The following SIPA1L3 variants were observed in gnomAD, a reference collection of about 807,000 sequenced individuals.
SIPA1L3 encodes signal induced proliferation associated 1 like 3, also known as signal-induced proliferation-associated 1-like protein 3.
Under a neutral mutation model 150.1 loss-of-function variants are expected in SIPA1L3, and 59 were observed. The ratio of observed to expected loss-of-function variants is 0.39; its 90% CI spans 0.32 to 0.49. The LOEUF is 0.49. SIPA1L3 is among the 20% of genes least tolerant of loss of function. SIPA1L3 has a pLI of 0.86. For synonymous variants in SIPA1L3, 1,070 were observed against 1,077.6 expected (o/e 0.99, Z 0.14); for missense variants, 2,211 against 2,489.5 (o/e 0.89, Z 2.38).
chr19:37,961,003 G>A (rs1337492958), intron 1 of SIPA1L3, among the ~76,000 whole-genome samples: 1 of 151,812 alleles, frequency 6.6e-6, no homozygotes, highest in Non-Finnish European at 1.5e-5. Flanking sequence ...TGAGTAGCTG[G>A]GCTTACAGGC....
At chr19:38,003,214 G>A (rs897021972) in intron 1 of SIPA1L3, among the ~76,000 whole-genome samples, 4 of 152,156 alleles carry the variant, frequency 2.6e-5, no homozygotes, top group Non-Finnish European at 5.9e-5. Context: ...CCTACTCTGG[G>A]CCAGGCACCA....
At chr19:38,005,923 C>T (rs1012244505) in intron 1 of SIPA1L3, among the ~76,000 whole-genome samples, 1 of 152,154 alleles carries the variant, frequency 6.6e-6, no homozygotes, top group Non-Finnish European at 1.5e-5. Flanking sequence ...TAGTGTGCAC[C>T]TGTGGTCCCA....
intron 1 of SIPA1L3, among the ~76,000 whole-genome samples, chr19:37,954,885 G>A (rs1252954688): frequency 1.3e-5 from 2 of 152,054 alleles, no homozygotes; most frequent in African/African-American, 4.8e-5. Flanking sequence ...CCAGGAGTTC[G>A]AGACCAGCAA....
rs141328175 is a variant in SIPA1L3 at position 38,084,258 on chromosome 19, C to T, written c.1534+1159C>T. 3.9e-3 allele frequency among the ~76,000 whole-genome samples: 593 copies of T among 152,204 alleles called. 6 individuals carry two copies. The highest frequency in any genetic ancestry group is 0.02 in the Middle Eastern group (6 of 294). On this transcript the variant is annotated intron_variant, in intron 3 of 21. Transcript: ENST00000222345. Reference sequence around the variant, plus strand: ...AAAGGGTAAGGACAAAAAGGCAGACCTCTTGTCAAGTCAACCCCCTTATGC... The same window carrying T: ...AAAGGGTAAGGACAAAAAGGCAGACTTCTTGTCAAGTCAACCCCCTTATGC...
At chr19:38,102,950 C>T (rs1970540128) in intron 6 of SIPA1L3, among the ~76,000 whole-genome samples, 2 of 151,876 alleles carry the variant, frequency 1.3e-5, no homozygotes, top group African/African-American at 2.4e-5. Context: ...AATGGTGAAA[C>T]CCCATCTCTA....
At chr19:38,203,391 C>T (rs1973132278) in intron 20 of SIPA1L3, among the ~76,000 whole-genome samples, 2 of 152,350 alleles carry the variant, frequency 1.3e-5, no homozygotes, top group African/African-American at 4.8e-5. Flanking sequence ...CCGCCACCGC[C>T]TCTGTGCCTG....
chr19:37,914,000 G>C (rs1478410383), intron 1 of SIPA1L3, among the ~76,000 whole-genome samples: 1 of 142,978 alleles, frequency 7.0e-6, no homozygotes, highest in Non-Finnish European at 1.5e-5. Context: ...ACTCCAGCCT[G>C]GGCGGCAGAG....
rs1032373737 is a variant in SIPA1L3, at chr19:38,156,409, C to T, written c.3661+3442C>T. ...GAAACTCACCATTGCCCTTCCCTTCCCTCTTCTGTCCCCTGGAGCTTGGCT... is the reference window on the plus strand; with the variant it reads ...GAAACTCACCATTGCCCTTCCCTTCTCTCTTCTGTCCCCTGGAGCTTGGCT... On this transcript the variant is annotated intron_variant, in intron 13 of 21. Coordinates refer to ENST00000222345, the MANE Select transcript of SIPA1L3 (RefSeq NM_015073.3). Among the ~76,000 whole-genome samples, 11 of 151,490 alleles carry T rather than the reference C, an allele frequency of 7.3e-5. No homozygotes were observed. The South Asian group carries it at 1.9e-3, about 26-fold the overall frequency.
intron 1 of SIPA1L3, among the ~76,000 whole-genome samples, chr19:38,004,654 C>T (rs1967894279): frequency 6.6e-6 from 1 of 152,214 alleles, no homozygotes; most frequent in Non-Finnish European, 1.5e-5. Flanking sequence ...CTCAGAGCTC[C>T]TGTCTGATTG....
In SIPA1L3 at chr19:38,104,783, C is replaced by A. The variant is rs1970583796; in HGVS notation, c.2030-1754C>A. Among the ~76,000 whole-genome samples, 11 of 151,352 alleles carry A rather than the reference C, an allele frequency of 7.3e-5. No individual in the cohort carries two copies. The South Asian group carries it at 2.3e-3, about 32-fold the overall frequency. On this transcript the variant is annotated intron_variant, in intron 6 of 21. Coordinates refer to ENST00000222345, the MANE Select transcript of SIPA1L3 (RefSeq NM_015073.3). ...ATGGGGTTTCACCGTGTTGGCCAAG[C>A]TGGTCTTGAACTCCTGACCTCAGGT...
In SIPA1L3 at chr19:38,047,816, G is replaced by A. The variant is rs891805930; in HGVS notation, c.-311+18660G>A. Among the ~76,000 whole-genome samples the A allele has an allele frequency of 1.8e-4, 28 of 152,330 alleles. No individual in the cohort carries two copies. The highest frequency in any genetic ancestry group is 2.5e-4 in the Non-Finnish European group (17 of 68,032). On this transcript the variant is annotated intron_variant, in intron 2 of 21. Transcript: ENST00000222345. This position sits in a 1 kb window ranked among gnomAD's most constrained non-coding sequence, Gnocchi z 4.7. ...TCCTGAAGTCCGACCTTTGATTCAG[G>A]AACAGAGCAGCTGCAGGAGTGCCAG...
chr19:38,131,018 GGGGA>G (rs1971296106), intron 10 of SIPA1L3, among the ~76,000 whole-genome samples: 1 of 152,224 alleles, frequency 6.6e-6, no homozygotes, highest in Non-Finnish European at 1.5e-5. Context: ...TGCCCTGTGA[GGGGA>G]GAGCCTCATT....
intron 9 of SIPA1L3, among the ~76,000 whole-genome samples, chr19:38,121,855 G>T (rs1971028875): frequency 6.6e-6 from 1 of 152,170 alleles, no homozygotes; most frequent in Non-Finnish European, 1.5e-5. Context: ...GGAGTTTGAG[G>T]CTGCAGTGAG....
chr19:37,996,884 A>C (rs1205965512), intron 1 of SIPA1L3, among the ~76,000 whole-genome samples: 1 of 151,850 alleles, frequency 6.6e-6, no homozygotes, highest in East Asian at 2.0e-4. Context: ...TTTAGTAGAG[A>C]CGGGGTTTCA....
intron 1 of SIPA1L3, among the ~76,000 whole-genome samples, chr19:38,022,139 G>A (rs143018694): frequency 0.014 from 2,194 of 152,262 alleles, 16 homozygotes; most frequent in Non-Finnish European, 0.021. Context: ...TGGCTGTGCC[G>A]TCTACTTGCT....
chr19:38,174,019 G>T (rs931509015), intron 15 of SIPA1L3, among the ~76,000 whole-genome samples: 1 of 152,050 alleles, frequency 6.6e-6, no homozygotes, highest in Admixed American at 6.6e-5. Context: ...AGAGTGAGGT[G>T]GAACCCTGAG....
chr19:38,139,325 A>G (rs547095622), intron 10 of SIPA1L3, among the ~76,000 whole-genome samples: 1 of 152,186 alleles, frequency 6.6e-6, no homozygotes, highest in African/African-American at 2.4e-5. Context: ...CCTGGGTCAC[A>G]TGCTAATACC....
rs34804753 is a variant in SIPA1L3 at position 37,956,482 on chromosome 19, G to GTTTTTTTTTT, written c.-379+49128_-379+49129insTTTTTTTTTT. Among the ~76,000 whole-genome samples, 6 of 126,898 alleles carry GTTTTTTTTTT rather than the reference G, an allele frequency of 4.7e-5. 1 individual carries two copies. The highest frequency in any genetic ancestry group is 1.2e-4 in the African/African-American group (4 of 34,390). The allele number at this position is 126,898 out of a possible 152,430, so 83.3% of individuals were successfully genotyped here. On this transcript the variant is annotated intron_variant, in intron 1 of 21. Transcript: ENST00000222345. The stretch of plus-strand genomic sequence containing the variant: ...TAGTCATGCCTTTGGAAGTATAAAA[G>GTTTTTTTTTT]TTTTGTTTTTTTTTTTTTTTGAGAC...
At chr19:38,088,965 C>G (rs977322818) in intron 4 of SIPA1L3, 114 bp downstream of exon 4, 9 of 1,115,346 alleles carry the variant, frequency 8.1e-6, no homozygotes, top group Admixed American at 2.2e-5. Flanking sequence ...TCCCAACAAC[C>G]CCGGGAGAGC....
Sources: allele counts gnomAD v4.1 joint callset (sites outside exome capture counted in the v4.1 genomes callset), GRCh38; gene constraint gnomAD v4.1.1; non-coding constraint Gnocchi (gnomAD v3.1); transcripts MANE v1.5; gene names NCBI Gene and HGNC (gene_info 2026-07-23, HGNC 2026-07-21).